CPSF7: variants seen among roughly 807,000 people sequenced by gnomAD.
The protein encoded by CPSF7 is cleavage and polyadenylation specific factor 7, also known as cleavage and polyadenylation specificity factor subunit 7.
A neutral mutation model predicts 44.3 loss-of-function variants in CPSF7; 1 was observed. That is an observed-to-expected ratio of 0.02 (90% CI 0.01 to 0.11). CPSF7 has a LOEUF of 0.11. Among genes scored for constraint, CPSF7 ranks in the 10% least tolerant of loss-of-function variants. CPSF7 has a pLI of 1.00. For missense variants in CPSF7, 443 were observed against 607.2 expected (o/e 0.73, Z 2.84); for synonymous variants, 202 against 222.0 (o/e 0.91, Z 0.80).
intron 2 of CPSF7, among the ~76,000 whole-genome samples, chr11:61,423,570 C>CA (rs1465091607): frequency 6.6e-6 from 1 of 152,172 alleles, no homozygotes; most frequent in Non-Finnish European, 1.5e-5. Flanking sequence ...GCCAAAATGA[C>CA]AGAGACAGCA....
intron 1 of CPSF7, chr11:61,429,645 AGGCGGCTCCGGCCAGAGCCCCCAG>A (rs1354230208): frequency 1.6e-6 from 2 of 1,225,948 alleles, no homozygotes; most frequent in Non-Finnish European, 2.3e-6. Context: ...CTAGCCCCCA[AGGCGGCTCCGGCCAGAGCCCCCAG>A]GTGTCAAGCA....
Position 61,410,870 on chromosome 11 carries a change from A to T in CPSF7, c.*5+68T>A, listed in dbSNP as rs111435714. On this transcript the variant is annotated intron_variant, in intron 9 of 9. Transcript: ENST00000439958. Reference sequence around the variant, plus strand: ...ATTTACTTTTGCTTTAAAGAGAGAGAATTCTTCACTATAAATCTTTTTTTA... The same window carrying T: ...ATTTACTTTTGCTTTAAAGAGAGAGTATTCTTCACTATAAATCTTTTTTTA... The T allele has an allele frequency of 2.4e-5, 35 of 1,448,064 alleles. 1 individual carries two copies. The African/African-American group carries it at 2.6e-4, about 11-fold the overall frequency. The allele number at this position is 1,448,064 out of a possible 1,614,324, so 89.7% of individuals were successfully genotyped here.
chr11:61,426,428 C>T (rs1306381124), intron 2 of CPSF7: 2 of 152,158 alleles, frequency 1.3e-5, no homozygotes, highest in African/African-American at 4.8e-5. Context: ...AAGCACTCAT[C>T]CCTCACCTTC....
intron 9 of CPSF7, among the ~76,000 whole-genome samples, chr11:61,407,097 C>T (rs1859404648): frequency 6.6e-6 from 1 of 152,132 alleles, no homozygotes; most frequent in Non-Finnish European, 1.5e-5. Context: ...AGAAATAATG[C>T]AAAGTGACAG....
At chr11:61,425,528 CAA>C (rs1247264103) in intron 2 of CPSF7, among the ~76,000 whole-genome samples, 1 of 152,166 alleles carries the variant, frequency 6.6e-6, no homozygotes, top group Non-Finnish European at 1.5e-5. Context: ...TCCCTGTAAA[CAA>C]AAGAGAACAT....
intron 9 of CPSF7, among the ~76,000 whole-genome samples, chr11:61,407,072 C>G (rs1449973456): frequency 6.6e-6 from 1 of 152,160 alleles, no homozygotes; most frequent in Non-Finnish European, 1.5e-5. Flanking sequence ...TGCCTGGCCC[C>G]ATTTTATAAG....
intron 2 of CPSF7, among the ~76,000 whole-genome samples, chr11:61,423,991 C>G (rs1345423734): frequency 6.6e-6 from 1 of 152,114 alleles, no homozygotes; most frequent in African/African-American, 2.4e-5. Flanking sequence ...CTCTAAGAAA[C>G]CCACCAGGAG....
intron 6 of CPSF7, 139 bp downstream of exon 6, chr11:61,415,966 T>C (rs965318799): frequency 6.5e-6 from 6 of 923,544 alleles, no homozygotes; most frequent in Non-Finnish European, 9.8e-6. Flanking sequence ...TGGTACTACT[T>C]CCCAGGAGTC....
chr11:61,405,694 C>T (rs560241000), intron 9 of CPSF7, among the ~76,000 whole-genome samples: 7 of 152,302 alleles, frequency 4.6e-5, no homozygotes, highest in African/African-American at 7.2e-5. Flanking sequence ...ACACAGCCTA[C>T]GCACAAATGT....
chr11:61,412,974 G>A (rs1267911183), intron 7 of CPSF7, among the ~76,000 whole-genome samples: 1 of 152,190 alleles, frequency 6.6e-6, no homozygotes, highest in Admixed American at 6.5e-5. Context: ...TTTTGTTTTT[G>A]AGATGGGTCT....
At chr11:61,415,167 G>A (rs1025980483) in intron 7 of CPSF7, among the ~76,000 whole-genome samples, 6 of 152,218 alleles carry the variant, frequency 3.9e-5, no homozygotes, top group Non-Finnish European at 8.8e-5. Flanking sequence ...GAAACCAGGA[G>A]GTGGAGGCTG....
At chr11:61,422,457 G>A (rs547495188) in intron 2 of CPSF7, among the ~76,000 whole-genome samples, 4 of 152,164 alleles carry the variant, frequency 2.6e-5, no homozygotes, top group Admixed American at 6.5e-5. Flanking sequence ...GGGGACTACA[G>A]ACATGCGCAA....
At chr11:61,424,517 A>G (rs1338667065) in intron 2 of CPSF7, among the ~76,000 whole-genome samples, 2 of 152,124 alleles carry the variant, frequency 1.3e-5, no homozygotes, top group East Asian at 3.8e-4. Context: ...CAGTGGCGCA[A>G]TCTTGGCTCA....
chr11:61,408,655 G>A (rs1384349574), intron 9 of CPSF7, among the ~76,000 whole-genome samples: 1 of 152,132 alleles, frequency 6.6e-6, no homozygotes, highest in East Asian at 1.9e-4. Flanking sequence ...TCCTTCAGTT[G>A]GGATTGCTAA....
At position 61,403,117 on chromosome 11, in the gene CPSF7, C is replaced by T. The variant is rs1859026516; in HGVS notation, c.*1593G>A. The stretch of plus-strand genomic sequence containing the variant: ...GGGAAAAAAAGCTCCAACCTGTAGC[C>T]TCTGTCCCAAGGGAATGTGCCTCTC... On this transcript the variant is annotated 3_prime_UTR_variant, in exon 10 of 10. Transcript: ENST00000439958. 2 of 152,464 alleles carry T rather than the reference C, an allele frequency of 1.3e-5. No individual in the cohort carries two copies. Among genetic ancestry groups the T allele is most frequent in the Admixed American group, 6.6e-5 (1 of 15,260 alleles). 9.4% of individuals were successfully genotyped at this position (152,464 alleles called of 1,614,324 possible).
chr11:61,429,867 G>A, intron 1 of CPSF7, 47 bp downstream of exon 1: 2 of 1,537,512 alleles, frequency 1.3e-6, no homozygotes, highest in Non-Finnish European at 1.8e-6. Flanking sequence ...TGCCGGCCCG[G>A]ACCCCTCTTC....
intron 2 of CPSF7, among the ~76,000 whole-genome samples, chr11:61,423,719 G>A (rs905329374): frequency 6.6e-5 from 10 of 152,214 alleles, no homozygotes; most frequent in African/African-American, 1.9e-4. Context: ...AAAGACAGGC[G>A]GCTCCCTTAA....
At chr11:61,413,946 G>C (rs1201827034) in intron 7 of CPSF7, among the ~76,000 whole-genome samples, 1 of 152,082 alleles carries the variant, frequency 6.6e-6, no homozygotes. Flanking sequence ...ATTTTTGCCT[G>C]TTTTTGTAGT....
At chr11:61,418,076 A>T (rs187797457) in intron 5 of CPSF7, among the ~76,000 whole-genome samples, 1 of 152,356 alleles carries the variant, frequency 6.6e-6, no homozygotes, top group East Asian at 1.9e-4. Context: ...TTGAAAATAC[A>T]ACTTGTCAAG....
Sources: gnomAD v4.1 joint callset for allele counts (sites outside exome capture counted in the v4.1 genomes callset) on GRCh38, gnomAD v4.1.1 for gene constraint, MANE v1.5 for transcripts, NCBI Gene and HGNC (gene_info 2026-07-23, HGNC 2026-07-21) for gene names.